The following TRPC5 variants were observed in gnomAD, a reference collection of about 807,000 sequenced individuals.
TRPC5 encodes short transient receptor potential channel 5.
Under a neutral mutation model 56.5 loss-of-function variants are expected in TRPC5, and 9 were observed. That is an observed-to-expected ratio of 0.16 (90% CI 0.10 to 0.28). TRPC5 has a LOEUF of 0.28. Ranked by LOEUF, TRPC5 falls within the 10% of genes least tolerant of loss-of-function variation. TRPC5 has a pLI of 1.00. For missense variants in TRPC5, 469 were observed against 748.9 expected (o/e 0.63, Z 4.36); for synonymous variants, 282 against 278.5 (o/e 1.01, Z -0.13).
intron 1 of TRPC5, among the ~76,000 whole-genome samples, chrX:111,955,559 A>G (rs1927210597): frequency 8.9e-6 from 1 of 111,777 alleles, no homozygotes; most frequent in Non-Finnish European, 1.9e-5. Flanking sequence ...GATTTCCTGC[A>G]TTGTCTGTTG....
At chrX:111,865,224 C>CG (rs1445010668) in intron 3 of TRPC5, among the ~76,000 whole-genome samples, 2 of 109,675 alleles carry the variant, frequency 1.8e-5, no homozygotes, top group African/African-American at 6.6e-5. Context: ...CCATGTTACC[C>CG]CCCCCAGCCT....
intron 1 of TRPC5, among the ~76,000 whole-genome samples, chrX:112,035,960 T>C (rs183562412): frequency 1.5e-3 from 166 of 109,541 alleles, no homozygotes; most frequent in Middle Eastern, 4.6e-3. Flanking sequence ...CACACACACA[T>C]ATATATATAT....
intron 1 of TRPC5, among the ~76,000 whole-genome samples, chrX:112,024,071 G>C (rs1365353924): frequency 9.0e-6 from 1 of 111,655 alleles, no homozygotes; most frequent in East Asian, 2.8e-4. Context: ...CCTGCTTGGA[G>C]ATGCTGGTCA....
chrX:111,780,893 A>G (rs1418905234), intron 9 of TRPC5, among the ~76,000 whole-genome samples: 3 of 111,519 alleles, frequency 2.7e-5, no homozygotes, highest in African/African-American at 9.8e-5. Flanking sequence ...CCAACCATAT[A>G]TTCTATTTTA....
intron 2 of TRPC5, among the ~76,000 whole-genome samples, chrX:111,938,950 A>G (rs1271097420): frequency 8.9e-6 from 1 of 112,041 alleles, no homozygotes; most frequent in Non-Finnish European, 1.9e-5. Context: ...ACTATGTTGA[A>G]TAGCAGTCAT....
At chrX:112,002,081 C>T (rs1346294855) in intron 1 of TRPC5, among the ~76,000 whole-genome samples, 1 of 109,405 alleles carries the variant, frequency 9.1e-6, no homozygotes, top group Admixed American at 9.7e-5. Flanking sequence ...CTGCAACCTG[C>T]TCACACATCA....
At chrX:112,064,157 G>T (rs777286243) in intron 1 of TRPC5, among the ~76,000 whole-genome samples, 64 of 111,850 alleles carry the variant, frequency 5.7e-4, no homozygotes, top group Non-Finnish European at 1.1e-3. Flanking sequence ...AGAGCCCAGA[G>T]ATCTTGGTGC....
At chrX:111,999,130 TC>T (rs1360348175) in intron 1 of TRPC5, among the ~76,000 whole-genome samples, 1 of 110,743 alleles carries the variant, frequency 9.0e-6, no homozygotes, top group Non-Finnish European at 1.9e-5. Flanking sequence ...TGTGTGATGT[TC>T]CCCTCTCTGT....
intron 1 of TRPC5, among the ~76,000 whole-genome samples, chrX:111,998,219 A>G (rs980166589): frequency 8.9e-5 from 10 of 111,977 alleles, no homozygotes; most frequent in Non-Finnish European, 5.6e-5. Context: ...GGAGCTGCAG[A>G]CCAGAGCTGT....
At chrX:112,037,198 A>G (rs1251909194) in intron 1 of TRPC5, among the ~76,000 whole-genome samples, 1 of 111,864 alleles carries the variant, frequency 8.9e-6, no homozygotes, top group Non-Finnish European at 1.9e-5. Flanking sequence ...CTGAAATGTT[A>G]CATTCCTATC....
At chrX:111,886,174 G>GTA (rs1924486087) in intron 3 of TRPC5, among the ~76,000 whole-genome samples, 1 of 111,996 alleles carries the variant, frequency 8.9e-6, no homozygotes, top group African/African-American at 3.2e-5. Context: ...CAGCTACTCA[G>GTA]GAGGCTGAGG....
chrX:111,821,346 C>T (rs1470177271), intron 7 of TRPC5, among the ~76,000 whole-genome samples: 2 of 111,764 alleles, frequency 1.8e-5, no homozygotes, highest in South Asian at 3.8e-4. Context: ...ATGACTTTCC[C>T]CTCCCACATT....
chrX:112,027,527 C>T (rs12011178), intron 1 of TRPC5, among the ~76,000 whole-genome samples: 8,454 of 110,684 alleles, frequency 0.076, 312 homozygotes, highest in African/African-American at 0.13. Context: ...CATGGAGTCT[C>T]GCTCTGTCGC....
chrX:111,880,854 A>C (rs886296520), intron 3 of TRPC5, among the ~76,000 whole-genome samples: 3 of 112,372 alleles, frequency 2.7e-5, no homozygotes, highest in African/African-American at 9.7e-5. Context: ...TTGTTGGGTC[A>C]TTAACCAAGT....
intron 6 of TRPC5, among the ~76,000 whole-genome samples, chrX:111,844,626 C>T (rs906955651): frequency 6.6e-4 from 72 of 108,565 alleles, no homozygotes; most frequent in African/African-American, 1.5e-3. Context: ...CCACCACACC[C>T]GGCTAATTGT....
intron 1 of TRPC5, among the ~76,000 whole-genome samples, chrX:111,980,617 A>T (rs2108416): frequency 1.6e-4 from 18 of 110,654 alleles, no homozygotes; most frequent in African/African-American, 5.2e-4. Flanking sequence ...TCACTCATTA[A>T]CTTAAATAAA....
intron 3 of TRPC5, among the ~76,000 whole-genome samples, chrX:111,887,719 A>G (rs1327952297): frequency 8.9e-6 from 1 of 112,054 alleles, no homozygotes; most frequent in African/African-American, 3.2e-5. Flanking sequence ...CACTAGAAAC[A>G]TAAAACGCTA....
chrX:111,961,553 G>A (rs1281575929), intron 1 of TRPC5, among the ~76,000 whole-genome samples: 3 of 111,770 alleles, frequency 2.7e-5, no homozygotes, highest in Non-Finnish European at 3.8e-5. Flanking sequence ...TGTTTCATTC[G>A]GTCATGTCAG....
chrX:112,042,119 A>G (rs1929907502), intron 1 of TRPC5, among the ~76,000 whole-genome samples: 2 of 111,770 alleles, frequency 1.8e-5, no homozygotes, highest in South Asian at 7.5e-4. Context: ...CTCTATGTGC[A>G]GCCTATGACG....
Sources: allele counts gnomAD v4.1 joint callset (sites outside exome capture counted in the v4.1 genomes callset), GRCh38; gene constraint gnomAD v4.1.1; transcripts MANE v1.5; gene names NCBI Gene and HGNC (gene_info 2026-07-23, HGNC 2026-07-21).